The following MATR3 variants were observed in gnomAD, a reference collection of about 807,000 sequenced individuals.
The protein encoded by MATR3 is matrin 3.
MATR3 carries 4 observed loss-of-function variants against 85.5 expected under a neutral mutation model. The observed-to-expected ratio is 0.05, with a 90% CI of 0.02 to 0.11. The LOEUF (loss-of-function observed/expected upper bound fraction) is 0.11, where lower values mean the gene tolerates loss of function less well. Ranked by LOEUF, MATR3 falls within the 10% of genes least tolerant of loss-of-function variation. MATR3 has a pLI of 1.00. For missense variants in MATR3, 685 were observed against 1,016.1 expected (o/e 0.67, Z 4.43); for synonymous variants, 336 against 343.1 (o/e 0.98, Z 0.23).
At chr5:139,292,719 C>T (rs1381312723), upstream of MATR3, among the ~76,000 whole-genome samples, 1 of 152,164 alleles carries the variant, frequency 6.6e-6, no homozygotes, top group Non-Finnish European at 1.5e-5. Context: ...GCGGGCGGAT[C>T]ACAAGGTCAG....
chr5:139,276,368 C>T, intron 2 of MATR3: 1 of 374,700 alleles, frequency 2.7e-6, no homozygotes, highest in Admixed American at 3.2e-5. Flanking sequence ...CCCTGGGCCA[C>T]ATTGGAAGGA....
At chr5:139,310,080 GT>G (rs1403043328) in intron 2 of MATR3, 1 of 152,154 alleles carries the variant, frequency 6.6e-6, no homozygotes, top group Non-Finnish European at 1.5e-5. Flanking sequence ...AAAAGTTTCT[GT>G]TTTTATGTAT....
chr5:139,278,374 A>G (rs1424152619), intron 2 of MATR3: 1 of 453,834 alleles, frequency 2.2e-6, no homozygotes, highest in Admixed American at 2.4e-5. Context: ...GGGAGGAAAT[A>G]GTGGCAGGTG....
chr5:139,297,159 C>T (rs1178800398), intron 1 of MATR3, among the ~76,000 whole-genome samples: 1 of 152,156 alleles, frequency 6.6e-6, no homozygotes, highest in African/African-American at 2.4e-5. Context: ...GCCTGGGCAA[C>T]AGAGCGGGAC....
At chr5:139,281,967 T>C (rs1366879726) in intron 3 of MATR3, among the ~76,000 whole-genome samples, 1 of 152,186 alleles carries the variant, frequency 6.6e-6, no homozygotes, top group Non-Finnish European at 1.5e-5. Flanking sequence ...AACAAACTAG[T>C]GTCAGTGGGA....
rs962760414 is a variant in MATR3 at position 139,321,042 on chromosome 5, A to G, written c.1603-856A>G. On this transcript the variant is annotated intron_variant, in intron 9 of 14. Coordinates refer to ENST00000394805, the MANE Select transcript of MATR3 (RefSeq NM_018834.6). ...AAGTGCTGGGATTACAGGCTGAGCC[A>G]CCGCGCCCAGCCAGCTTATTACTTT... 2.7e-5 allele frequency among the ~76,000 whole-genome samples: 4 copies of G among 150,874 alleles called. No individual in the cohort carries two copies. In the Admixed American group the frequency reaches 2.7e-4, roughly 10 times the overall value.
intron 2 of MATR3, chr5:139,278,344 G>C (rs1759755886): frequency 6.6e-6 from 3 of 453,760 alleles, no homozygotes; most frequent in Non-Finnish European, 1.3e-5. Flanking sequence ...TGAAAGTAGG[G>C]CATCCTTCAC....
At chr5:139,315,623 T>C (rs191847317) in intron 3 of MATR3, 74 bp from the exon 4 acceptor site, 44 of 950,622 alleles carry the variant, frequency 4.6e-5, no homozygotes, top group African/African-American at 4.2e-4. Context: ...TGATCTCTAT[T>C]TTAGAGGCCA....
intron 9 of MATR3, among the ~76,000 whole-genome samples, chr5:139,321,445 C>T (rs1351878177): frequency 1.3e-5 from 2 of 152,008 alleles, no homozygotes; most frequent in African/African-American, 2.4e-5. Context: ...TGAGCCACTG[C>T]GCCCAGCCCT....
chr5:139,317,038 T>C lies in MATR3; in HGVS notation c.1130-15T>C, dbSNP rs774202102. On this transcript the variant is annotated splice_polypyrimidine_tract_variant and intron_variant, in intron 5 of 14. Transcript: ENST00000394805. Reference sequence around the variant, plus strand: ...ATAGTGATTACAAGACTGAAAACTTTCTCTTCCCATAAAGGTGCTGGAAAT... The same window carrying C: ...ATAGTGATTACAAGACTGAAAACTTCCTCTTCCCATAAAGGTGCTGGAAAT... 4 of 1,606,298 alleles carry C rather than the reference T, an allele frequency of 2.5e-6. No individual in the cohort carries two copies. Among genetic ancestry groups the C allele is most frequent in the East Asian group, 2.2e-5 (1 of 44,874 alleles).
chr5:139,316,938 C>T (rs2151988158), intron 5 of MATR3, 115 bp from the exon 6 acceptor site: 1 of 787,388 alleles, frequency 1.3e-6, no homozygotes, highest in African/African-American at 1.7e-5. Context: ...TGATGGTAAT[C>T]ATATATTTGT....
intron 14 of MATR3, among the ~76,000 whole-genome samples, chr5:139,327,687 C>T (rs1037563704): frequency 1.3e-5 from 2 of 152,114 alleles, no homozygotes; most frequent in African/African-American, 4.8e-5. Flanking sequence ...TCCCAAAATG[C>T]TGGGATTACA....
chr5:139,313,224 T>C (rs1755081482), intron 2 of MATR3: 1 of 152,064 alleles, frequency 6.6e-6, no homozygotes. Flanking sequence ...GTGTGGGTGT[T>C]ACAGAAATTA....
At chr5:139,289,473 T>A (rs1034887373), upstream of MATR3, among the ~76,000 whole-genome samples, 3 of 152,208 alleles carry the variant, frequency 2.0e-5, no homozygotes, top group African/African-American at 7.2e-5. Context: ...TACATAAATA[T>A]ATAAATTTCC....
chr5:139,279,264 A>C (rs1753423060), intron 3 of MATR3: 7 of 427,950 alleles, frequency 1.6e-5, no homozygotes, highest in Non-Finnish European at 3.3e-5. Flanking sequence ...AGTCTTGCTC[A>C]GTTGCCCAGG....
At chr5:139,312,483 T>TGA (rs2151974197) in intron 2 of MATR3, 1 of 152,310 alleles carries the variant, frequency 6.6e-6, no homozygotes, top group East Asian at 1.9e-4. Flanking sequence ...AAATAGCTGA[T>TGA]GATTAGAGAG....
Position 139,326,298 on chromosome 5 carries a change from T to G in MATR3, c.2493+14T>G. Reference sequence around the variant, plus strand: ...CAGAAATTAAAGGTAAGGTTGAATGTAAAACAGTTCTTTTGTGAAAACTTA... The same window carrying G: ...CAGAAATTAAAGGTAAGGTTGAATGGAAAACAGTTCTTTTGTGAAAACTTA... On this transcript the variant is annotated intron_variant, in intron 14 of 14. Coordinates refer to ENST00000394805, the MANE Select transcript of MATR3 (RefSeq NM_018834.6). The G allele has an allele frequency of 1.2e-6, 2 of 1,610,648 alleles. No homozygotes were observed. The highest frequency in any genetic ancestry group is 1.7e-6 in the Non-Finnish European group (2 of 1,177,514).
intron 3 of MATR3, among the ~76,000 whole-genome samples, chr5:139,284,203 TAAAAGAA>T (rs1280588517): frequency 3.3e-5 from 5 of 152,208 alleles, no homozygotes; most frequent in Non-Finnish European, 5.9e-5. Context: ...TTTGTTCTTA[TAAAAGAA>T]TTTTTTTGGA....
Position 139,307,711 on chromosome 5 carries a change from C to T in MATR3, c.296C>T (p.Ser99Phe). ...IGSRGPLPLS[S>F]QHRGDADQAS... ...AGTAGAGGTCCACTCCCTTTATCTT[C>T]TCAACACCGTGGAGATGCAGACCAG... is the stretch of plus-strand genomic sequence containing the variant. Residue 99 changes from serine (S) to phenylalanine (F), a missense_variant, in exon 2 of 15, where the codon TCT (serine) becomes TTT (phenylalanine). Around this residue, in one of 9 missense-constraint regions of MATR3, gnomAD observed 57 missense variants for 68.6 expected, o/e 0.83. Transcript: ENST00000394805. The surrounding 1 kb of genome is among the most constrained non-coding windows in gnomAD (Gnocchi z 4.4). The T allele has an allele frequency of 6.2e-7, 1 of 1,614,144 alleles. No individual in the cohort carries two copies. Among genetic ancestry groups the T allele is most frequent in the Non-Finnish European group, 8.5e-7 (1 of 1,180,010 alleles).
Sources: allele counts gnomAD v4.1 joint callset (sites outside exome capture counted in the v4.1 genomes callset), GRCh38; gene constraint gnomAD v4.1.1; regional missense constraint gnomAD v4.1.1; non-coding constraint Gnocchi (gnomAD v3.1); transcripts MANE v1.5; gene names NCBI Gene and HGNC (gene_info 2026-07-23, HGNC 2026-07-21).